The following ZNF496 variants were observed in gnomAD, a reference collection of about 807,000 sequenced individuals.
ZNF496 encodes the protein zinc finger protein 496.
Under a neutral mutation model 58.9 loss-of-function variants are expected in ZNF496, and 11 were observed. The ratio of observed to expected loss-of-function variants is 0.19; its 90% CI spans 0.12 to 0.31. The LOEUF is 0.31. Ranked by LOEUF, ZNF496 falls within the 10% of genes least tolerant of loss-of-function variation. The pLI is 1.00. For missense variants in ZNF496, 660 were observed against 783.0 expected (o/e 0.84, Z 1.88); for synonymous variants, 338 against 318.2 (o/e 1.06, Z -0.66).
At chr1:247,326,799 C>T (rs1031835365) in intron 5 of ZNF496, among the ~76,000 whole-genome samples, 1 of 152,064 alleles carries the variant, frequency 6.6e-6, no homozygotes, top group South Asian at 2.1e-4. Context: ...GACTGGTGTA[C>T]TTATAAGAAG....
rs1659526218 is a variant in ZNF496, at chr1:247,309,597, G to A, written c.892+102C>T. On this transcript the variant is annotated intron_variant, in intron 8 of 9. Transcript: ENST00000682384. This position sits in a 1 kb window ranked among gnomAD's most constrained non-coding sequence, Gnocchi z 4.3. ...CATAGAGTCTGGGGAAATGAAGAAG[G>A]CAATTAGGGGCCGCAGAGAGAAGCC... 2 of 1,512,422 alleles carry A rather than the reference G, an allele frequency of 1.3e-6. No individual in the cohort carries two copies. Among genetic ancestry groups the A allele is most frequent in the South Asian group, 2.6e-5 (2 of 76,748 alleles). The allele number at this position is 1,512,422 out of a possible 1,614,324, so 93.7% of individuals were successfully genotyped here.
intron 6 of ZNF496, among the ~76,000 whole-genome samples, chr1:247,317,825 G>A (rs1227777983): frequency 6.6e-6 from 1 of 152,134 alleles, no homozygotes; most frequent in Admixed American, 6.5e-5. Context: ...AAAATATGCA[G>A]GCAGAAAATC....
At chr1:247,317,644 C>A (rs192728482) in intron 6 of ZNF496, among the ~76,000 whole-genome samples, 6 of 152,232 alleles carry the variant, frequency 3.9e-5, no homozygotes, top group Admixed American at 3.9e-4. Flanking sequence ...TGAGGAGCAT[C>A]CCCACTTTGA....
chr1:247,309,963 T>G lies in ZNF496; in HGVS notation c.785-157A>C. On this transcript the variant is annotated intron_variant, in intron 7 of 9. Coordinates refer to ENST00000682384, the MANE Select transcript of ZNF496 (RefSeq NM_032752.3). This position sits in a 1 kb window ranked among gnomAD's most constrained non-coding sequence, Gnocchi z 4.3. ...GCCAGAGCTGGCAGTGCAGGGGCAG[T>G]GGGGGCAGCACACGCAGGGAGAGCT... The G allele has an allele frequency of 7.6e-7, 1 of 1,313,052 alleles. No individual in the cohort carries two copies. The highest frequency in any genetic ancestry group is 1.0e-6 in the Non-Finnish European group (1 of 981,812). 81.3% of individuals were successfully genotyped at this position (1,313,052 alleles called of 1,614,324 possible).
intron 9 of ZNF496, among the ~76,000 whole-genome samples, chr1:247,304,660 C>A (rs1659351780): frequency 6.6e-6 from 1 of 152,164 alleles, no homozygotes; most frequent in Non-Finnish European, 1.5e-5. Context: ...GCACGAGCCA[C>A]ACCACACCTA....
intron 6 of ZNF496, chr1:247,311,416 AACACACACACAGAGAC>A (rs1267337435): frequency 1.8e-5 from 2 of 108,128 alleles, no homozygotes; most frequent in African/African-American, 6.3e-5. Context: ...AAAAAAACAA[AACACACACACAGAGAC>A]ACACACACAC....
chr1:247,311,617 C>A (rs1402529646), intron 6 of ZNF496: 2 of 152,220 alleles, frequency 1.3e-5, no homozygotes, highest in African/African-American at 4.8e-5. Context: ...GCAGAATAAT[C>A]CTTTTTGTCT....
intron 6 of ZNF496, chr1:247,311,713 G>A (rs979338094): frequency 9.9e-5 from 2 of 20,300 alleles, no homozygotes; most frequent in Non-Finnish European, 4.0e-4. Context: ...GGCAGGAGTT[G>A]AGTCCCCAAG....
chr1:247,327,752 T>C (rs1660182699), intron 5 of ZNF496, among the ~76,000 whole-genome samples: 1 of 137,724 alleles, frequency 7.3e-6, no homozygotes, highest in Admixed American at 7.1e-5. Flanking sequence ...CCCCAGACAC[T>C]CTCTTTCCAT....
intron 6 of ZNF496, chr1:247,311,741 C>T (rs1009451902): frequency 1.3e-5 from 2 of 152,364 alleles, no homozygotes; most frequent in African/African-American, 4.8e-5. Flanking sequence ...GTGGTCCCGC[C>T]CCATGGCAGC....
intron 5 of ZNF496, among the ~76,000 whole-genome samples, chr1:247,326,410 G>A (rs977524470): frequency 2.0e-5 from 3 of 152,096 alleles, no homozygotes; most frequent in African/African-American, 7.2e-5. Context: ...ATGGAAATGG[G>A]AGAGCTGGCC....
rs370423195 is a variant in ZNF496, at chr1:247,323,991, C to T, written c.575-761G>A. 2.0e-5 allele frequency among the ~76,000 whole-genome samples: 3 copies of T among 148,786 alleles called. No homozygotes were observed. In the South Asian group the frequency reaches 6.4e-4, roughly 32 times the overall value. ...CTGGGAAGCTGAAACAGAAGGATTG[C>T]TTGAGCCTGAGAGATGGAGGCTGCA... On this transcript the variant is annotated intron_variant, in intron 5 of 9. Coordinates refer to ENST00000682384, the MANE Select transcript of ZNF496 (RefSeq NM_032752.3).
intron 6 of ZNF496, among the ~76,000 whole-genome samples, chr1:247,322,519 T>TGAAGGAGATATGGCCAGAAAACA (rs1195403918): frequency 3.9e-5 from 6 of 151,916 alleles, no homozygotes; most frequent in African/African-American, 1.2e-4. Context: ...GGAGGGAAAG[T>TGAAGGAGATATGGCCAGAAAACA]GAAGGAGATA....
At position 247,300,694 on chromosome 1, in the gene ZNF496, G is replaced by A; in HGVS notation, c.1589C>T (p.Ala530Val). Residue 530 changes from alanine to valine, a missense_variant, in exon 10 of 10, where the codon GCC becomes GTC. By Grantham distance (64) the Ala-to-Val change is moderately conservative. Coordinates refer to ENST00000682384, the MANE Select transcript of ZNF496 (RefSeq NM_032752.3). The surrounding 1 kb of genome is among the most constrained non-coding windows in gnomAD (Gnocchi z 5.7). The part of the protein sequence containing the change: ...LSFQCCECGK[A>V]FQRHDHLARH... ...AGCCAGGTGGTCGTGCCGCTGGAAG[G>A]CCTTCCCACACTCACAGCACTGGAA... The A allele has an allele frequency of 6.2e-7, 1 of 1,614,070 alleles. No homozygotes were observed. Among genetic ancestry groups the A allele is most frequent in the Non-Finnish European group, 8.5e-7 (1 of 1,180,020 alleles).
chr1:247,329,727 G>A lies in ZNF496; in HGVS notation c.-37-112C>T, dbSNP rs908370740. The A allele has an allele frequency of 4.7e-6, 5 of 1,066,884 alleles. No homozygotes were observed. Among genetic ancestry groups the A allele is most frequent in the East Asian group, 2.5e-5 (1 of 39,676 alleles). The allele number at this position is 1,066,884 out of a possible 1,614,324, so 66.1% of individuals were successfully genotyped here. A position where few individuals can be genotyped will look rare whatever the true frequency, so the allele number is the denominator to read the frequency against. ...CCTCAGAGACCAGCCCTTTGGAGAAGCCCTGGGAAAGGTAGGGAGTGTTGG... is the reference window on the plus strand; with the variant it reads ...CCTCAGAGACCAGCCCTTTGGAGAAACCCTGGGAAAGGTAGGGAGTGTTGG... On this transcript the variant is annotated intron_variant, in intron 3 of 9. Transcript: ENST00000682384. This position sits in a 1 kb window ranked among gnomAD's most constrained non-coding sequence, Gnocchi z 5.5.
rs772208153 is a variant in ZNF496, at chr1:247,329,453, C to A, written c.126G>T (p.Arg42=). Residue 42 remains arginine, a synonymous_variant, in exon 4 of 10, where the codon CGG becomes CGT. Transcript: ENST00000682384. The surrounding 1 kb of genome is among the most constrained non-coding windows in gnomAD (Gnocchi z 5.5). The part of the protein sequence containing the change: ...QGELPSPESS[R]RLFRRFRYQE... ...GGTAGCGGAAACGGCGGAAGAGACG[C>A]CGAGAGGACTCGGGGCTGGGAAGCT... The A allele has an allele frequency of 3.7e-6, 6 of 1,612,282 alleles. No homozygotes were observed. In the African/African-American group the frequency reaches 8.0e-5, roughly 22 times the overall value.
rs1191431635 is a variant in ZNF496 at position 247,329,423 on chromosome 1, C to T, written c.156G>A (p.Glu52=). 1 of 1,613,212 alleles carries T rather than the reference C, an allele frequency of 6.2e-7. No individual in the cohort carries two copies. The change falls in exon 4 of 10, where the codon GAG becomes GAA. Residue 52 remains glutamate (E), a synonymous_variant. Coordinates refer to ENST00000682384, the MANE Select transcript of ZNF496 (RefSeq NM_032752.3). The surrounding 1 kb of genome is among the most constrained non-coding windows in gnomAD (Gnocchi z 5.5). The part of the protein sequence containing the change: ...RRLFRRFRYQ[E]AAGPREALQR... ...GCAGGGCCTCCCGGGGGCCCGCCGC[C>T]TCCTGGTAGCGGAAACGGCGGAAGA...
Position 247,329,688 on chromosome 1 carries a change from G to GA in ZNF496, c.-37-74dup. On this transcript the variant is annotated intron_variant, in intron 3 of 9. Transcript: ENST00000682384. The surrounding 1 kb of genome is among the most constrained non-coding windows in gnomAD (Gnocchi z 5.5). Reference sequence around the variant, plus strand: ...GTCATTTCTGGGGGACAGTGACAAGGAAACTGTCAATGCCCTCAGAGACCA... The same window carrying GA: ...GTCATTTCTGGGGGACAGTGACAAGGAAAACTGTCAATGCCCTCAGAGACCA... 7.1e-7 allele frequency: 1 copy of GA among 1,402,238 alleles called. No individual in the cohort carries two copies. Among genetic ancestry groups the GA allele is most frequent in the Admixed American group, 2.4e-5 (1 of 41,710 alleles). 86.9% of individuals were successfully genotyped at this position (1,402,238 alleles called of 1,614,324 possible).
chr1:247,315,082 T>TTA (rs1553270519), intron 6 of ZNF496, among the ~76,000 whole-genome samples: 1 of 122,800 alleles, frequency 8.1e-6, no homozygotes, highest in East Asian at 2.3e-4. Flanking sequence ...TTTTTTTTTT[T>TTA]AAAAAAAGCA....
Sources: allele counts gnomAD v4.1 joint callset (sites outside exome capture counted in the v4.1 genomes callset), GRCh38; gene constraint gnomAD v4.1.1; non-coding constraint Gnocchi (gnomAD v3.1); transcripts MANE v1.5; gene names NCBI Gene and HGNC (gene_info 2026-07-23, HGNC 2026-07-21).